Variants in MTA3 observed in about 807,000 individuals in gnomAD.
The protein encoded by MTA3 is metastasis-associated protein MTA3.
Under a neutral mutation model 83.5 loss-of-function variants are expected in MTA3, and 34 were observed. The ratio of observed to expected loss-of-function variants is 0.41; its 90% CI spans 0.31 to 0.54. The LOEUF (loss-of-function observed/expected upper bound fraction) is 0.54, where lower values mean the gene tolerates loss of function less well. MTA3 is among the 20% of genes least tolerant of loss of function. MTA3 has a pLI of 0.33. For missense variants in MTA3, 761 were observed against 726.4 expected, an observed-to-expected ratio of 1.05 and a Z score of -0.55; for synonymous variants, 303 against 252.7, an observed-to-expected ratio of 1.20 and a Z score of -1.89.
intron 2 of MTA3, among the ~76,000 whole-genome samples, chr2:42,504,092 C>G (rs915918494): frequency 1.3e-5 from 2 of 151,552 alleles, no homozygotes; most frequent in South Asian, 2.1e-4. Flanking sequence ...CCCAGCCCAG[C>G]TAACTTATTG....
chr2:42,558,655 G>A (rs1400625691), intron 2 of MTA3, among the ~76,000 whole-genome samples: 2 of 150,990 alleles, frequency 1.3e-5, no homozygotes, highest in East Asian at 1.9e-4. Context: ...CTGGGTTCAA[G>A]CAATTCTCCT....
chr2:42,737,820 G>A (rs746704902), intron 16 of MTA3, among the ~76,000 whole-genome samples: 22 of 152,116 alleles, frequency 1.4e-4, no homozygotes, highest in South Asian at 4.1e-4. Flanking sequence ...TTTTTCCACC[G>A]AATGAATACA....
At chr2:42,621,591 C>G (rs1685547102) in intron 4 of MTA3, among the ~76,000 whole-genome samples, 1 of 152,250 alleles carries the variant, frequency 6.6e-6, no homozygotes, top group Non-Finnish European at 1.5e-5. Flanking sequence ...TCCCCCTTTT[C>G]TATTCGACAA....
At chr2:42,502,952 ACT>A (rs980190689) in intron 2 of MTA3, among the ~76,000 whole-genome samples, 3 of 151,320 alleles carry the variant, frequency 2.0e-5, no homozygotes, top group African/African-American at 4.9e-5. Context: ...ACAGGGCAAG[ACT>A]CTGTCTCAAA....
intron 4 of MTA3, among the ~76,000 whole-genome samples, chr2:42,612,314 A>C (rs912493700): frequency 6.6e-6 from 1 of 152,080 alleles, no homozygotes; most frequent in Non-Finnish European, 1.5e-5. Flanking sequence ...TCCTGGGCTC[A>C]AGCGATCCTC....
chr2:42,723,884 C>T (rs1453671045), intron 16 of MTA3, among the ~76,000 whole-genome samples: 1 of 152,048 alleles, frequency 6.6e-6, no homozygotes, highest in East Asian at 1.9e-4. Flanking sequence ...TAATAATTTC[C>T]TATGGTTGTT....
At chr2:42,627,347 C>G (rs1382971633) in intron 4 of MTA3, among the ~76,000 whole-genome samples, 2 of 152,084 alleles carry the variant, frequency 1.3e-5, no homozygotes, top group Admixed American at 1.3e-4. Context: ...CAAACCACTG[C>G]CAGGCCTGAG....
At chr2:42,509,509 C>T (rs897031230) in intron 2 of MTA3, among the ~76,000 whole-genome samples, 3 of 152,148 alleles carry the variant, frequency 2.0e-5, no homozygotes, top group Admixed American at 6.6e-5. Context: ...GTGGCTCACA[C>T]CTGTAATCTC....
chr2:42,632,412 T>C (rs988955117), intron 4 of MTA3, among the ~76,000 whole-genome samples: 11 of 152,092 alleles, frequency 7.2e-5, no homozygotes, highest in Admixed American at 5.9e-4. Flanking sequence ...TTTGTACTTA[T>C]TAACCATCCC....
intron 2 of MTA3, among the ~76,000 whole-genome samples, chr2:42,548,817 A>ATATATTATATAATATAT (rs1676888151): frequency 4.3e-5 from 1 of 23,230 alleles, no homozygotes; most frequent in Non-Finnish European, 9.8e-5. Context: ...AAAAATATAT[A>ATATATTATATAATATAT]TATATATATA....
chr2:42,756,554 G>A lies in MTA3; in HGVS notation c.*3155G>A, dbSNP rs1044239735. 6.1e-6 allele frequency: 6 copies of A among 985,744 alleles called. No homozygotes were observed. In the African/African-American group the frequency reaches 1.0e-4, roughly 17 times the overall value. The allele number at this position is 985,744 out of a possible 1,614,324, so 61.1% of individuals were successfully genotyped here. A position where few individuals can be genotyped will look rare whatever the true frequency, so the allele number is the denominator to read the frequency against. ...ACTGCTGTCCTAAGTCCCTGGCGAGGGGAGGTGGAGGAGCTGCCCCGTGGG... is the reference window on the plus strand; with the variant it reads ...ACTGCTGTCCTAAGTCCCTGGCGAGAGGAGGTGGAGGAGCTGCCCCGTGGG... On this transcript the variant is annotated 3_prime_UTR_variant, in exon 17 of 17. Coordinates refer to ENST00000405094, the MANE Select transcript of MTA3 (RefSeq NM_001330442.2).
At chr2:42,518,275 G>C (rs559480428) in intron 2 of MTA3, among the ~76,000 whole-genome samples, 1 of 152,114 alleles carries the variant, frequency 6.6e-6, no homozygotes. Flanking sequence ...AAGGAACTAG[G>C]GCTCCTTGGA....
At chr2:42,700,283 T>C (rs1693748083) in intron 11 of MTA3, among the ~76,000 whole-genome samples, 1 of 152,218 alleles carries the variant, frequency 6.6e-6, no homozygotes, top group Non-Finnish European at 1.5e-5. Context: ...TTTCATATAA[T>C]GTGTCTTTTA....
chr2:42,687,965 T>C (rs1692540966), intron 9 of MTA3, among the ~76,000 whole-genome samples: 2 of 152,198 alleles, frequency 1.3e-5, no homozygotes, highest in Admixed American at 6.5e-5. Flanking sequence ...ACCATCAGGG[T>C]CAAAGGCAGT....
intron 7 of MTA3, 33 bp from the exon 8 acceptor site, chr2:42,659,730 A>T: frequency 1.4e-6 from 2 of 1,433,756 alleles, no homozygotes; most frequent in Non-Finnish European, 1.9e-6. Context: ...ACAGATACTT[A>T]ATTCTTCCTT....
intron 6 of MTA3, among the ~76,000 whole-genome samples, chr2:42,654,034 G>A (rs1308829061): frequency 2.0e-5 from 3 of 152,170 alleles, no homozygotes; most frequent in African/African-American, 7.2e-5. Flanking sequence ...ACCTAATGTT[G>A]AGTGTCTTGT....
At position 42,568,751 on chromosome 2, in the gene MTA3, G is replaced by C; in HGVS notation, c.6G>C (p.Ala2=). Residue 2 remains alanine (A), a synonymous_variant, in exon 1 of 17, where the codon GCG becomes GCC. Transcript: ENST00000405094. M[A]ANMYRVGDYV... is the part of the protein sequence containing the mutation. ...CCGCGGGCGGGCGGGCGGACATGGC[G>C]GCCAACATGTACCGGGTCGGAGGTA... The C allele has an allele frequency of 8.2e-7, 1 of 1,219,524 alleles. No homozygotes were observed. The highest frequency in any genetic ancestry group is 4.1e-5 in the South Asian group (1 of 24,304). The allele number at this position is 1,219,524 out of a possible 1,614,324, so 75.5% of individuals were successfully genotyped here.
intron 4 of MTA3, 53 bp downstream of exon 4, chr2:42,609,637 A>G (rs1188986352): frequency 5.2e-6 from 8 of 1,531,010 alleles, no homozygotes; most frequent in Non-Finnish European, 7.0e-6. Flanking sequence ...CCAAAAAACA[A>G]AAGACTTCTT....
intron 4 of MTA3, among the ~76,000 whole-genome samples, chr2:42,620,119 C>CTTT (rs765658192): frequency 4.4e-5 from 6 of 134,880 alleles, no homozygotes; most frequent in Non-Finnish European, 3.2e-5. Flanking sequence ...CATCACACAT[C>CTTT]TTTTTTTTTT....
Sources: gnomAD v4.1 joint callset for allele counts (sites outside exome capture counted in the v4.1 genomes callset) on GRCh38, gnomAD v4.1.1 for gene constraint, MANE v1.5 for transcripts, NCBI Gene and HGNC (gene_info 2026-07-23, HGNC 2026-07-21) for gene names.